RPRD1B: variants seen among roughly 807,000 people sequenced by gnomAD.
RPRD1B encodes the protein regulation of nuclear pre-mRNA domain containing 1B, also known as regulation of nuclear pre-mRNA domain-containing protein 1B.
Under a neutral mutation model 41.5 loss-of-function variants are expected in RPRD1B, and 11 were observed. The ratio of observed to expected loss-of-function variants is 0.27; its 90% CI spans 0.17 to 0.44. RPRD1B has a LOEUF of 0.44. Ranked by LOEUF, RPRD1B falls within the 20% of genes least tolerant of loss-of-function variation. The probability of loss-of-function intolerance (pLI) is 1.00; values close to 1 mark genes in which losing one functional copy is unlikely to be tolerated. For synonymous variants in RPRD1B, 158 were observed against 155.6 expected, an observed-to-expected ratio of 1.02 and a Z score of -0.12; for missense variants, 248 against 389.9, an observed-to-expected ratio of 0.64 and a Z score of 3.06.
intron 3 of RPRD1B, among the ~76,000 whole-genome samples, chr20:38,051,139 G>A (rs1413670238): frequency 6.6e-6 from 1 of 152,152 alleles, no homozygotes; most frequent in African/African-American, 2.4e-5. Context: ...TTTTAGAACT[G>A]GGTATTAAGT....
Position 38,033,909 on chromosome 20 carries a change from G to A in RPRD1B, c.-39G>A. On this transcript the variant is annotated 5_prime_UTR_variant, in exon 1 of 7. Transcript: ENST00000373433. ...CGTCGCTCTTCCCGCCGCACTGGGC[G>A]GCCCAGGCCGCTCCCTGCCGGGCCT... 6.4e-7 allele frequency: 1 copy of A among 1,551,594 alleles called. No homozygotes were observed.
chr20:38,088,077 C>T (rs908994086), intron 6 of RPRD1B, among the ~76,000 whole-genome samples: 1 of 152,188 alleles, frequency 6.6e-6, no homozygotes, highest in African/African-American at 2.4e-5. Flanking sequence ...GCTAGGAGAG[C>T]TCACTCTCTA....
At chr20:38,057,293 T>G (rs1395812615) in intron 3 of RPRD1B, among the ~76,000 whole-genome samples, 1 of 152,242 alleles carries the variant, frequency 6.6e-6, no homozygotes, top group African/African-American at 2.4e-5. Flanking sequence ...GATGCCTGTT[T>G]TCTGTAGTAT....
intron 3 of RPRD1B, among the ~76,000 whole-genome samples, chr20:38,051,640 G>A (rs961416598): frequency 1.2e-4 from 18 of 152,202 alleles, no homozygotes; most frequent in South Asian, 4.1e-4. Flanking sequence ...TTTCCTGAAA[G>A]CACACGGTTT....
intron 6 of RPRD1B, among the ~76,000 whole-genome samples, chr20:38,085,081 T>C (rs1464572379): frequency 2.0e-5 from 3 of 152,172 alleles, no homozygotes; most frequent in African/African-American, 7.2e-5. Context: ...AAATAATGCG[T>C]GCGCTGGAGA....
chr20:38,068,427 C>G (rs1241926234), intron 6 of RPRD1B, among the ~76,000 whole-genome samples: 1 of 152,204 alleles, frequency 6.6e-6, no homozygotes, highest in Non-Finnish European at 1.5e-5. Flanking sequence ...GAGTCTCGCT[C>G]TGTCACTCAG....
chr20:38,047,608 G>T (rs2074133956), intron 2 of RPRD1B, among the ~76,000 whole-genome samples: 1 of 152,006 alleles, frequency 6.6e-6, no homozygotes, highest in Non-Finnish European at 1.5e-5. Context: ...TCTTCTGCTT[G>T]CTGTCTGAGA....
At position 38,090,600 on chromosome 20, in the gene RPRD1B, A is replaced by G. The variant is rs2074604016; in HGVS notation, c.*725A>G. 3.0e-6 allele frequency: 3 copies of G among 985,512 alleles called. No individual in the cohort carries two copies. The highest frequency in any genetic ancestry group is 3.6e-6 in the Non-Finnish European group (3 of 829,928). The allele number at this position is 985,512 out of a possible 1,614,324, so 61.0% of individuals were successfully genotyped here. On this transcript the variant is annotated 3_prime_UTR_variant, in exon 7 of 7. Transcript: ENST00000373433. ...TATTTGCTTCAAGTTCCTAGATACAACCTTCCCATGCTGCACTTCTCCACT... is the reference window on the plus strand; with the variant it reads ...TATTTGCTTCAAGTTCCTAGATACAGCCTTCCCATGCTGCACTTCTCCACT...
Position 38,090,247 on chromosome 20 carries a change from A to G in RPRD1B, c.*372A>G. On this transcript the variant is annotated 3_prime_UTR_variant, in exon 7 of 7. Transcript: ENST00000373433. ...TTGTCCCTCATGACAGCATTTTATCATGAAAGCAGCTTCTCCTTTCTGGGC... is the reference window on the plus strand; with the variant it reads ...TTGTCCCTCATGACAGCATTTTATCGTGAAAGCAGCTTCTCCTTTCTGGGC... The G allele has an allele frequency of 1.0e-6, 1 of 993,714 alleles. No homozygotes were observed. The highest frequency in any genetic ancestry group is 1.1e-4 in the East Asian group (1 of 9,178). 61.6% of individuals were successfully genotyped at this position (993,714 alleles called of 1,614,324 possible).
chr20:38,059,932 G>A (rs2074281057), intron 5 of RPRD1B, among the ~76,000 whole-genome samples: 3 of 152,168 alleles, frequency 2.0e-5, no homozygotes, highest in Admixed American at 1.3e-4. Context: ...AAGCCCCGTA[G>A]ATGATAGTGC....
chr20:38,044,067 C>T (rs145706597), intron 2 of RPRD1B, among the ~76,000 whole-genome samples: 2 of 152,136 alleles, frequency 1.3e-5, no homozygotes, highest in Non-Finnish European at 2.9e-5. Flanking sequence ...CAGGGCTCAT[C>T]ATGTAGTCAT....
chr20:38,070,475 C>A (rs537655482), intron 6 of RPRD1B: 1 of 985,536 alleles, frequency 1.0e-6, no homozygotes, highest in East Asian at 1.1e-4. Context: ...AGCTTCACTT[C>A]CAGAGCAAAG....
Position 38,048,055 on chromosome 20 carries a change from C to T in RPRD1B, c.282-293C>T, listed in dbSNP as rs1385140117. On this transcript the variant is annotated intron_variant, in intron 2 of 6. Transcript: ENST00000373433. Reference sequence around the variant, plus strand: ...TTTTAATTAACGTCTTCTTAAAAAGCAAGCTATCACAACTGATAAGATGGA... The same window carrying T: ...TTTTAATTAACGTCTTCTTAAAAAGTAAGCTATCACAACTGATAAGATGGA... Among the ~76,000 whole-genome samples, 3 of 152,262 alleles carry T rather than the reference C, an allele frequency of 2.0e-5. No individual in the cohort carries two copies. The East Asian group carries it at 5.8e-4, about 29-fold the overall frequency.
intron 2 of RPRD1B, among the ~76,000 whole-genome samples, chr20:38,042,522 C>T (rs1016777352): frequency 3.9e-5 from 6 of 152,188 alleles, no homozygotes; most frequent in African/African-American, 1.2e-4. Context: ...GATTCAGTGG[C>T]AGTGTGAGGA....
chr20:38,034,888 C>G (rs1002434136), intron 1 of RPRD1B, among the ~76,000 whole-genome samples: 1 of 152,212 alleles, frequency 6.6e-6, no homozygotes, highest in East Asian at 1.9e-4. Flanking sequence ...CTGACTTTGC[C>G]GCCTTACTGA....
intron 2 of RPRD1B, among the ~76,000 whole-genome samples, chr20:38,046,609 A>G (rs1044617238): frequency 6.6e-6 from 1 of 152,224 alleles, no homozygotes; most frequent in Non-Finnish European, 1.5e-5. Context: ...AGGGAATGAC[A>G]CACTGAAGGT....
chr20:38,081,875 A>G (rs904833745), intron 6 of RPRD1B, among the ~76,000 whole-genome samples: 4 of 152,220 alleles, frequency 2.6e-5, no homozygotes, highest in Non-Finnish European at 5.9e-5. Flanking sequence ...TATTTTGCAT[A>G]TGCTGAACCA....
At chr20:38,052,087 A>G (rs911608880) in intron 3 of RPRD1B, among the ~76,000 whole-genome samples, 1 of 152,164 alleles carries the variant, frequency 6.6e-6, no homozygotes, top group Non-Finnish European at 1.5e-5. Flanking sequence ...GACCTTGGCC[A>G]TGGCATTTGA....
At chr20:38,063,554 A>G (rs892856756) in intron 5 of RPRD1B, among the ~76,000 whole-genome samples, 4 of 152,162 alleles carry the variant, frequency 2.6e-5, no homozygotes, top group African/African-American at 9.7e-5. Context: ...TTTAGCTGCA[A>G]GGGGGAGCAG....
Sources: gnomAD v4.1 joint callset for allele counts (sites outside exome capture counted in the v4.1 genomes callset) on GRCh38, gnomAD v4.1.1 for gene constraint, MANE v1.5 for transcripts, NCBI Gene and HGNC (gene_info 2026-07-23, HGNC 2026-07-21) for gene names.